STT3B: variants seen among roughly 807,000 people sequenced by gnomAD.
STT3B encodes the protein dolichyl-diphosphooligosaccharide--protein glycosyltransferase subunit STT3B.
A neutral mutation model predicts 96.8 loss-of-function variants in STT3B; 29 were observed. The observed-to-expected ratio is 0.30, with a 90% confidence interval of 0.22 to 0.41. The LOEUF (loss-of-function observed/expected upper bound fraction) is 0.41, where lower values mean the gene tolerates loss of function less well. Ranked by LOEUF, STT3B falls within the 10% of genes least tolerant of loss-of-function variation. The pLI is 1.00. For missense variants in STT3B, 640 were observed against 1,022.3 expected (o/e 0.63, Z 5.10); for synonymous variants, 367 against 360.0 (o/e 1.02, Z -0.22).
chr3:31,545,532 A>G (rs1441927810), intron 1 of STT3B, among the ~76,000 whole-genome samples: 1 of 152,220 alleles, frequency 6.6e-6, no homozygotes, highest in African/African-American at 2.4e-5. Context: ...ATATAATTAT[A>G]AAACTTAATG....
chr3:31,546,892 T>G (rs1468045581), intron 1 of STT3B, among the ~76,000 whole-genome samples: 1 of 152,190 alleles, frequency 6.6e-6, no homozygotes, highest in Non-Finnish European at 1.5e-5. Context: ...CTGCTTAGTA[T>G]GTTAAAAGGA....
intron 3 of STT3B, among the ~76,000 whole-genome samples, chr3:31,585,242 T>A (rs1698509178): frequency 6.6e-6 from 1 of 152,114 alleles, no homozygotes; most frequent in Non-Finnish European, 1.5e-5. Flanking sequence ...GATTGAGTGA[T>A]TGAGAGTAAA....
At chr3:31,555,179 C>T (rs181645173) in intron 1 of STT3B, among the ~76,000 whole-genome samples, 1 of 152,094 alleles carries the variant, frequency 6.6e-6, no homozygotes, top group East Asian at 1.9e-4. Flanking sequence ...AATATATATC[C>T]TTCTTGGCAA....
intron 1 of STT3B, chr3:31,533,784 G>C (rs1223872027): frequency 6.6e-6 from 1 of 152,588 alleles, no homozygotes; most frequent in Non-Finnish European, 1.5e-5. Context: ...TAGTTCAGAC[G>C]GAATCGGCCA....
chr3:31,577,446 A>G (rs1405541437), intron 2 of STT3B, among the ~76,000 whole-genome samples: 4 of 152,122 alleles, frequency 2.6e-5, no homozygotes, highest in East Asian at 3.9e-4. Context: ...CTCATGGATT[A>G]TTTAGAATTG....
chr3:31,544,326 C>T (rs1697350595), intron 1 of STT3B, among the ~76,000 whole-genome samples: 1 of 152,154 alleles, frequency 6.6e-6, no homozygotes, highest in Non-Finnish European at 1.5e-5. Flanking sequence ...AGTTGCTTGT[C>T]TTCATTAAAG....
chr3:31,565,317 A>G (rs1559367683), intron 1 of STT3B, among the ~76,000 whole-genome samples: 1 of 152,234 alleles, frequency 6.6e-6, no homozygotes. Context: ...CAGACATTAT[A>G]TTTCTCATTG....
chr3:31,533,331 CT>C lies in STT3B; in HGVS notation c.314+20del. On this transcript the variant is annotated intron_variant, in intron 1 of 15. Transcript: ENST00000295770. ...ACCCGTGGTAAGTGCCTCGCCGCCC[CT>C]CCCCCGCCCGTGGCCCGCGGGGAAC... 1.3e-6 allele frequency: 2 copies of C among 1,503,288 alleles called. No individual in the cohort carries two copies. The highest frequency in any genetic ancestry group is 2.1e-5 in the Admixed American group (1 of 47,524). 93.1% of individuals were successfully genotyped at this position (1,503,288 alleles called of 1,614,324 possible). A position where few individuals can be genotyped will look rare whatever the true frequency, so the allele number is the denominator to read the frequency against.
chr3:31,599,998 AC>A (rs1482826675), intron 4 of STT3B, among the ~76,000 whole-genome samples: 1 of 151,982 alleles, frequency 6.6e-6, no homozygotes, highest in Non-Finnish European at 1.5e-5. Context: ...GTGAGGTAAA[AC>A]CCGTTTTTTT....
At chr3:31,552,125 G>T (rs1486978387) in intron 1 of STT3B, among the ~76,000 whole-genome samples, 1 of 152,170 alleles carries the variant, frequency 6.6e-6, no homozygotes, top group Non-Finnish European at 1.5e-5. Context: ...GACCCATGAA[G>T]CTATGATAGA....
At chr3:31,635,114 T>A (rs1032064228) in intron 15 of STT3B, among the ~76,000 whole-genome samples, 1 of 152,204 alleles carries the variant, frequency 6.6e-6, no homozygotes, top group African/African-American at 2.4e-5. Flanking sequence ...TATTTAAATG[T>A]GAAAATTGAA....
chr3:31,594,475 G>A (rs374206769), intron 3 of STT3B, among the ~76,000 whole-genome samples: 6 of 151,624 alleles, frequency 4.0e-5, no homozygotes, highest in Admixed American at 2.6e-4. Context: ...CTGTCCACAG[G>A]CTGGAATGCA....
At chr3:31,585,889 A>G (rs1559375845) in intron 3 of STT3B, among the ~76,000 whole-genome samples, 1 of 152,106 alleles carries the variant, frequency 6.6e-6, no homozygotes, top group Non-Finnish European at 1.5e-5. Context: ...GTTTTTGGCA[A>G]TGATGAATTA....
intron 1 of STT3B, among the ~76,000 whole-genome samples, chr3:31,537,572 A>G (rs764372749): frequency 6.6e-6 from 1 of 152,160 alleles, no homozygotes; most frequent in African/African-American, 2.4e-5. Flanking sequence ...TATAGGCCCT[A>G]CGGTAGTTAG....
At chr3:31,563,557 A>T (rs1252212351) in intron 1 of STT3B, among the ~76,000 whole-genome samples, 1 of 152,216 alleles carries the variant, frequency 6.6e-6, no homozygotes, top group African/African-American at 2.4e-5. Flanking sequence ...TGGGGCCACT[A>T]CTGTAGATTG....
At position 31,624,978 on chromosome 3, in the gene STT3B, C is replaced by A. The variant is rs200387391; in HGVS notation, c.1792C>A (p.His598Asn). The change falls in exon 12 of 16, where the codon CAT (histidine) becomes AAT (asparagine). Residue 598 changes from histidine to asparagine, a missense_variant. Around this residue, in one of 8 missense-constraint regions of STT3B, gnomAD observed 149 missense variants for 250.2 expected, o/e 0.60. Transcript: ENST00000295770. ...YFWLRQNTDE[H>N]ARVMSWWDYG... ...TTGGCTAAGGCAAAATACAGATGAA[C>A]ATGCACGAGTAATGTCTTGGTGGGA... is the stretch of plus-strand genomic sequence containing the variant. 2.5e-6 allele frequency: 4 copies of A among 1,613,424 alleles called. No homozygotes were observed. The African/African-American group carries it at 5.3e-5, about 22-fold the overall frequency.
intron 1 of STT3B, among the ~76,000 whole-genome samples, chr3:31,566,370 A>G (rs1454750380): frequency 1.3e-5 from 2 of 152,318 alleles, no homozygotes; most frequent in Admixed American, 1.3e-4. Context: ...CTTATGTTAC[A>G]TATTGTGCCT....
intron 1 of STT3B, among the ~76,000 whole-genome samples, chr3:31,555,959 G>T (rs949892115): frequency 6.6e-6 from 1 of 151,948 alleles, no homozygotes; most frequent in East Asian, 1.9e-4. Context: ...GCTAGCTATG[G>T]TCACCCTACT....
intron 8 of STT3B, 40 bp downstream of exon 8, chr3:31,618,028 A>T: frequency 7.5e-7 from 1 of 1,330,658 alleles, no homozygotes; most frequent in South Asian, 1.2e-5. Context: ...ATTTATTGAA[A>T]TACTGCTTTT....
Sources: allele counts gnomAD v4.1 joint callset (sites outside exome capture counted in the v4.1 genomes callset), GRCh38; gene constraint gnomAD v4.1.1; regional missense constraint gnomAD v4.1.1; transcripts MANE v1.5; gene names NCBI Gene and HGNC (gene_info 2026-07-23, HGNC 2026-07-21).